The following BICRA variants were observed in gnomAD, a reference collection of about 807,000 sequenced individuals.
BICRA encodes the protein BRD4 interacting chromatin remodeling complex associated protein, also known as BRD4-interacting chromatin-remodeling complex-associated protein.
A neutral mutation model predicts 96.9 loss-of-function variants in BICRA; 31 were observed. The ratio of observed to expected loss-of-function variants is 0.32; its 90% CI spans 0.24 to 0.43. BICRA has a LOEUF of 0.43. BICRA is among the 20% of genes least tolerant of loss of function. The probability of loss-of-function intolerance (pLI) is 1.00; values close to 1 mark genes in which losing one functional copy is unlikely to be tolerated. For missense variants in BICRA, 2,283 were observed against 2,190.3 expected, an observed-to-expected ratio of 1.04 and a Z score of -0.84; for synonymous variants, 1,350 against 1,071.8, an observed-to-expected ratio of 1.26 and a Z score of -5.07.
intron 9 of BICRA, 128 bp downstream of exon 9, chr19:47,695,208 G>A (rs1043006246): frequency 1.4e-5 from 11 of 806,596 alleles, no homozygotes; most frequent in African/African-American, 1.0e-4. Context: ...GAACTCAAGG[G>A]ACACAGGAAG....
intron 1 of BICRA, among the ~76,000 whole-genome samples, chr19:47,628,242 C>G (rs1972169338): frequency 1.3e-5 from 2 of 152,136 alleles, no homozygotes; most frequent in African/African-American, 4.8e-5. Flanking sequence ...TGATGCAGAT[C>G]CACAGTTTTC....
chr19:47,627,839 G>A (rs2974212), intron 1 of BICRA, among the ~76,000 whole-genome samples: 30,130 of 151,878 alleles, frequency 0.2, 3,350 homozygotes, highest in Middle Eastern at 0.28. Flanking sequence ...GCACGATCTC[G>A]GCTCACTGCA....
intron 6 of BICRA, 77 bp from the exon 7 acceptor site, chr19:47,681,899 G>A (rs1973067446): frequency 4.0e-6 from 4 of 1,001,620 alleles, no homozygotes; most frequent in Non-Finnish European, 5.8e-6. Flanking sequence ...AGCGTCAATA[G>A]GGGCAGGGGT....
chr19:47,674,313 T>TACATAACC (rs149002308), intron 4 of BICRA, among the ~76,000 whole-genome samples: 1 of 151,796 alleles, frequency 6.6e-6, no homozygotes, highest in African/African-American at 2.4e-5. Flanking sequence ...AGTCACCAGG[T>TACATAACC]TGTGTAGGCC....
At chr19:47,651,139 C>T (rs919017399) in intron 1 of BICRA, among the ~76,000 whole-genome samples, 3 of 152,092 alleles carry the variant, frequency 2.0e-5, no homozygotes, top group Non-Finnish European at 2.9e-5. Flanking sequence ...TTCTGCAGTC[C>T]GTTCTCCACT....
chr19:47,669,229 C>T (rs1244323140), intron 1 of BICRA, among the ~76,000 whole-genome samples: 1 of 152,026 alleles, frequency 6.6e-6, no homozygotes, highest in Non-Finnish European at 1.5e-5. Context: ...AGAGAAGCTT[C>T]CTTCAGGTGG....
At chr19:47,647,757 T>TGG (rs1470364864) in intron 1 of BICRA, among the ~76,000 whole-genome samples, 2 of 152,122 alleles carry the variant, frequency 1.3e-5, no homozygotes, top group African/African-American at 4.8e-5. Context: ...TGCTTTTCCA[T>TGG]GGTGCCTGTG....
chr19:47,697,458 A>T (rs9749066), intron 11 of BICRA, among the ~76,000 whole-genome samples: 1 of 151,532 alleles, frequency 6.6e-6, no homozygotes, highest in Admixed American at 6.6e-5. Context: ...TATGTTGCCC[A>T]GGCTGGTTGG....
At chr19:47,683,260 G>A (rs1973094075) in intron 7 of BICRA, among the ~76,000 whole-genome samples, 1 of 152,134 alleles carries the variant, frequency 6.6e-6, no homozygotes, top group African/African-American at 2.4e-5. Flanking sequence ...ATATGTGGTT[G>A]TGCCTTTTTT....
intron 7 of BICRA, among the ~76,000 whole-genome samples, chr19:47,693,585 C>T (rs1310043000): frequency 6.6e-6 from 1 of 152,248 alleles, no homozygotes; most frequent in Non-Finnish European, 1.5e-5. Context: ...AACCCCGAGC[C>T]ATGGTACACA....
chr19:47,682,209 C>T (rs1191707354), intron 7 of BICRA, 57 bp downstream of exon 7: 29 of 694,158 alleles, frequency 4.2e-5, no homozygotes, highest in Non-Finnish European at 6.7e-5. Flanking sequence ...GCCCCTCCTG[C>T]CCGCTCTCCC....
At chr19:47,640,598 G>A (rs1286532914) in intron 1 of BICRA, among the ~76,000 whole-genome samples, 1 of 151,952 alleles carries the variant, frequency 6.6e-6, no homozygotes, top group Non-Finnish European at 1.5e-5. Flanking sequence ...ACTCAAAGTT[G>A]GGCTCATCAG....
chr19:47,643,704 CT>C (rs1311328307), intron 1 of BICRA, among the ~76,000 whole-genome samples: 2 of 152,190 alleles, frequency 1.3e-5, no homozygotes, highest in African/African-American at 4.8e-5. Context: ...CGTGGTGGCC[CT>C]AACAGTTAAC....
rs761772148 is a variant in BICRA, at chr19:47,680,671, G to A, written c.1501G>A (p.Ala501Thr). ...ANVGGQILAA[A>T]APHTGGQLIA... ...CGTGGGCGGGCAGATCCTGGCGGCC[G>A]CTGCCCCCCACACAGGTGGACAGCT... The change falls in exon 6 of 15, where the codon GCT (alanine) becomes ACT (threonine). Residue 501 changes from alanine to threonine, a missense_variant. By Grantham distance (58) the Ala-to-Thr change is moderately conservative (BLOSUM62 0). Transcript: ENST00000594866. 3.1e-6 allele frequency: 5 copies of A among 1,604,836 alleles called. No homozygotes were observed. The highest frequency in any genetic ancestry group is 1.7e-5 in the Admixed American group (1 of 58,844).
chr19:47,610,691 G>A (rs745490018), intron 1 of BICRA, among the ~76,000 whole-genome samples: 11 of 151,124 alleles, frequency 7.3e-5, no homozygotes, highest in Non-Finnish European at 1.6e-4. Flanking sequence ...ACCTCTTTAC[G>A]GAGGGCACTT....
At chr19:47,623,092 A>G (rs1461057930) in intron 1 of BICRA, among the ~76,000 whole-genome samples, 1 of 152,010 alleles carries the variant, frequency 6.6e-6, no homozygotes, top group African/African-American at 2.4e-5. Context: ...TACATAATAC[A>G]TAATAGAAAT....
intron 1 of BICRA, among the ~76,000 whole-genome samples, chr19:47,615,182 C>G (rs1971964823): frequency 6.6e-6 from 1 of 152,232 alleles, no homozygotes; most frequent in African/African-American, 2.4e-5. Flanking sequence ...CGAGGTCTCA[C>G]TGTGTTGCCC....
intron 5 of BICRA, among the ~76,000 whole-genome samples, chr19:47,677,515 G>T (rs1972959617): frequency 6.6e-6 from 1 of 152,050 alleles, no homozygotes; most frequent in Admixed American, 6.6e-5. Context: ...TGACCAACAT[G>T]GAGAAACCCT....
intron 1 of BICRA, among the ~76,000 whole-genome samples, chr19:47,627,795 A>G (rs1972162327): frequency 6.6e-6 from 1 of 152,100 alleles, no homozygotes; most frequent in Non-Finnish European, 1.5e-5. Flanking sequence ...TTTGAGACAG[A>G]GTCTTGCTCT....
Sources: gnomAD v4.1 joint callset for allele counts (sites outside exome capture counted in the v4.1 genomes callset) on GRCh38, gnomAD v4.1.1 for gene constraint, MANE v1.5 for transcripts, NCBI Gene and HGNC (gene_info 2026-07-23, HGNC 2026-07-21) for gene names.